The following MAP2K1 variants were observed in gnomAD, a reference collection of about 807,000 sequenced individuals.
MAP2K1 encodes the protein dual specificity mitogen-activated protein kinase kinase 1.
In MAP2K1, 16 loss-of-function variants were observed where a neutral mutation model predicts 46.3. The ratio of observed to expected loss-of-function variants is 0.35; its 90% CI spans 0.23 to 0.52. MAP2K1 has a LOEUF of 0.52. MAP2K1 is among the 20% of genes least tolerant of loss of function. The pLI is 0.94. For missense variants in MAP2K1, 263 were observed against 497.1 expected (o/e 0.53, Z 4.48); for synonymous variants, 183 against 185.6 (o/e 0.99, Z 0.11).
Position 66,444,723 on chromosome 15 carries a change from C to A in MAP2K1, c.568+16C>A. 1 of 1,606,986 alleles carries A rather than the reference C, an allele frequency of 6.2e-7. No homozygotes were observed. The highest frequency in any genetic ancestry group is 8.5e-7 in the Non-Finnish European group (1 of 1,173,602). ...ATGCACAGAGGTAAGAAGTTATTTG[C>A]TAGTTATTTTGCTTTGAATTTTAGA... is the stretch of plus-strand genomic sequence containing the variant. On this transcript the variant is annotated intron_variant, in intron 5 of 10. Transcript: ENST00000307102.
Position 66,487,220 on chromosome 15 carries a change from AT to A in MAP2K1, c.896-5del, listed in dbSNP as rs748946786. On this transcript the variant is annotated splice_polypyrimidine_tract_variant and splice_region_variant and intron_variant, in intron 7 of 10. Transcript: ENST00000307102. ...GAGAAGTATTTTTTCTTTTTATAAAATTTGTAGCATACGGAATGGACAGCCG... is the reference window on the plus strand; with the variant it reads ...GAGAAGTATTTTTTCTTTTTATAAAATTGTAGCATACGGAATGGACAGCCG... 7 of 1,613,416 alleles carry A rather than the reference AT, an allele frequency of 4.3e-6. No homozygotes were observed. Among genetic ancestry groups the A allele is most frequent in the Non-Finnish European group, 1.7e-6 (2 of 1,179,328 alleles).
At position 66,467,461 on chromosome 15, in the gene MAP2K1, C is replaced by T. The variant is rs143122373; in HGVS notation, c.569-14294C>T. 1.2e-3 allele frequency among the ~76,000 whole-genome samples: 183 copies of T among 152,254 alleles called. 1 individual carries two copies. The highest frequency in any genetic ancestry group is 4.1e-3 in the African/African-American group (172 of 41,544). ...CCTTCCTGCCTGGGGACTAGGCTGC[C>T]TAAAGCCACATGATTAGAAGTTATG... is the stretch of plus-strand genomic sequence containing the variant. On this transcript the variant is annotated intron_variant, in intron 5 of 10. Coordinates refer to ENST00000307102, the MANE Select transcript of MAP2K1 (RefSeq NM_002755.4).
intron 5 of MAP2K1, among the ~76,000 whole-genome samples, chr15:66,455,131 A>G (rs1290766420): frequency 1.3e-5 from 2 of 152,180 alleles, no homozygotes; most frequent in African/African-American, 4.8e-5. Flanking sequence ...GTCCAGAGTC[A>G]GTGCCTCTGA....
intron 10 of MAP2K1, 63 bp downstream of exon 10, chr15:66,489,826 C>G: frequency 7.3e-7 from 1 of 1,377,302 alleles, no homozygotes; most frequent in South Asian, 1.2e-5. Flanking sequence ...CTCTGTCAGT[C>G]ATCTGTGCAG....
intron 1 of MAP2K1, among the ~76,000 whole-genome samples, chr15:66,400,337 T>C (rs936526303): frequency 2.0e-5 from 3 of 152,174 alleles, no homozygotes; most frequent in Admixed American, 1.3e-4. Flanking sequence ...TTCTCTTTTT[T>C]TCTTAACTCC....
intron 5 of MAP2K1, among the ~76,000 whole-genome samples, chr15:66,460,050 A>G (rs959329564): frequency 6.6e-6 from 1 of 152,188 alleles, no homozygotes; most frequent in African/African-American, 2.4e-5. Context: ...AAGGTTGCCC[A>G]TGGTATATAC....
intron 1 of MAP2K1, among the ~76,000 whole-genome samples, chr15:66,419,023 A>G (rs1214899375): frequency 4.4e-5 from 6 of 137,662 alleles, no homozygotes; most frequent in East Asian, 4.4e-4. Context: ...CTGGAGTGCA[A>G]TGGCGCAATC....
At chr15:66,436,247 A>C (rs1383173063) in intron 2 of MAP2K1, among the ~76,000 whole-genome samples, 2 of 152,170 alleles carry the variant, frequency 1.3e-5, no homozygotes, top group Non-Finnish European at 2.9e-5. Context: ...GTAACTATTT[A>C]ATGTGACTGT....
intron 1 of MAP2K1, among the ~76,000 whole-genome samples, chr15:66,400,532 G>T (rs980110373): frequency 6.6e-6 from 1 of 152,128 alleles, no homozygotes; most frequent in Non-Finnish European, 1.5e-5. Context: ...TGTTTCTGTT[G>T]TTCACTTCCA....
intron 8 of MAP2K1, chr15:66,488,763 C>A: frequency 4.9e-6 from 1 of 205,064 alleles, no homozygotes. Flanking sequence ...TGGGCTATGC[C>A]TGGTGGTTTG....
At chr15:66,414,686 A>G (rs1595847671) in intron 1 of MAP2K1, among the ~76,000 whole-genome samples, 2 of 151,770 alleles carry the variant, frequency 1.3e-5, no homozygotes, top group African/African-American at 4.8e-5. Context: ...TAGCCCTTTT[A>G]CTCACTGCAG....
intron 1 of MAP2K1, among the ~76,000 whole-genome samples, chr15:66,397,225 G>A (rs1478171580): frequency 6.7e-6 from 1 of 150,048 alleles, no homozygotes; most frequent in Non-Finnish European, 1.5e-5. Context: ...GGATGGTCTC[G>A]ATCTCCTGAC....
chr15:66,461,234 A>G (rs1892310839), intron 5 of MAP2K1, among the ~76,000 whole-genome samples: 1 of 152,130 alleles, frequency 6.6e-6, no homozygotes, highest in African/African-American at 2.4e-5. Context: ...TCACGTCTGT[A>G]ATCCCAGCAC....
In MAP2K1 at chr15:66,452,673, G is replaced by A. The variant is rs75042207; in HGVS notation, c.568+7966G>A. ...GTAAAGGCATCCCATCATCTGTGAA[G>A]TGGAGTCCGCCTGCCTACTCAGAGG... On this transcript the variant is annotated intron_variant, in intron 5 of 10. Transcript: ENST00000307102. Among the ~76,000 whole-genome samples, 14 of 152,302 alleles carry A rather than the reference G, an allele frequency of 9.2e-5. No homozygotes were observed. The East Asian group carries it at 2.7e-3, about 29-fold the overall frequency.
intron 1 of MAP2K1, among the ~76,000 whole-genome samples, chr15:66,404,679 G>A (rs1168776894): frequency 1.3e-5 from 2 of 152,190 alleles, no homozygotes; most frequent in African/African-American, 4.8e-5. Flanking sequence ...CCACCAACAG[G>A]TGTTTCGGTT....
intron 5 of MAP2K1, chr15:66,453,614 A>G (rs932347806): frequency 2.3e-5 from 16 of 701,222 alleles, no homozygotes; most frequent in African/African-American, 1.6e-4. Flanking sequence ...GTCCCTGCCT[A>G]TGGGCTTCCT....
At chr15:66,397,875 G>A (rs866625784) in intron 1 of MAP2K1, among the ~76,000 whole-genome samples, 4 of 152,100 alleles carry the variant, frequency 2.6e-5, no homozygotes, top group Non-Finnish European at 4.4e-5. Flanking sequence ...AGGCCGAGGC[G>A]TGCAGATCAC....
rs1405876210 is a variant in MAP2K1, at chr15:66,490,344, C to T, written c.1069-158C>T. ...GTGACTGGTGGAGCAGGTCTTTGGG[C>T]CTGCAGCTGGCCCCACTGTTGCTCA... On this transcript the variant is annotated intron_variant, in intron 10 of 10. Coordinates refer to ENST00000307102, the MANE Select transcript of MAP2K1 (RefSeq NM_002755.4). 6.9e-6 allele frequency: 5 copies of T among 726,454 alleles called. 1 individual carries two copies. In the Admixed American group the frequency reaches 9.6e-5, roughly 14 times the overall value. 45.0% of individuals were successfully genotyped at this position (726,454 alleles called of 1,614,324 possible). A position where few individuals can be genotyped will look rare whatever the true frequency, so the allele number is the denominator to read the frequency against.
At chr15:66,411,917 GA>G (rs897948064) in intron 1 of MAP2K1, among the ~76,000 whole-genome samples, 5 of 152,354 alleles carry the variant, frequency 3.3e-5, no homozygotes, top group Non-Finnish European at 2.9e-5. Context: ...GCAGGAGAGA[GA>G]TCTTGCCCAT....
Sources: allele counts gnomAD v4.1 joint callset (sites outside exome capture counted in the v4.1 genomes callset), GRCh38; gene constraint gnomAD v4.1.1; transcripts MANE v1.5; gene names NCBI Gene and HGNC (gene_info 2026-07-23, HGNC 2026-07-21).